The following AANAT variants were observed in gnomAD, a reference collection of about 807,000 sequenced individuals.
The protein encoded by AANAT is serotonin N-acetyltransferase.
Under a neutral mutation model 15.6 loss-of-function variants are expected in AANAT, and 11 were observed. The observed-to-expected ratio is 0.71, with a 90% CI of 0.44 to 1.17. The LOEUF (loss-of-function observed/expected upper bound fraction) is 1.17, where lower values mean the gene tolerates loss of function less well. Among genes scored for constraint, AANAT ranks in the 50% most tolerant of loss-of-function variants. AANAT has a pLI of 0.00. For missense variants in AANAT, 286 were observed against 296.3 expected (o/e 0.97, Z 0.26); for synonymous variants, 139 against 131.5 (o/e 1.06, Z -0.39).
Position 76,469,282 on chromosome 17 carries a change from GGCCTTCATCATC to G in AANAT, c.275_286del (p.Ala92_Ile95del), listed in dbSNP as rs2073483768. ...GCTGGTTCGAGGAGGGCTGCCTTGT[GGCCTTCATCATC>G]GGCTCGCTCTGGGACAAGGAGAGAC... is the stretch of plus-strand genomic sequence containing the variant. On this transcript the variant is annotated inframe_deletion, in exon 3 of 4. Coordinates refer to ENST00000392492, the MANE Select transcript of AANAT (RefSeq NM_001088.3). The surrounding 1 kb of genome is among the most constrained non-coding windows in gnomAD (Gnocchi z 5.2). The G allele has an allele frequency of 6.2e-7, 1 of 1,614,052 alleles. No individual in the cohort carries two copies. The highest frequency in any genetic ancestry group is 1.3e-5 in the African/African-American group (1 of 74,940).
intron 2 of AANAT, chr17:76,462,265 A>T (rs769603714): frequency 6.6e-6 from 1 of 152,172 alleles, no homozygotes; most frequent in Non-Finnish European, 1.5e-5. Context: ...TCAGAGCATA[A>T]AGTTGGATAA....
upstream of AANAT, among the ~76,000 whole-genome samples, chr17:76,466,414 C>A (rs372700047): frequency 7.5e-6 from 1 of 133,070 alleles, no homozygotes; most frequent in Non-Finnish European, 1.6e-5. Flanking sequence ...GGTGGGTGGG[C>A]GGGGGCATCG....
chr17:76,453,865 T>TG (rs2073308275), intron 1 of AANAT: 1 of 152,206 alleles, frequency 6.6e-6, no homozygotes, highest in African/African-American at 2.4e-5. Flanking sequence ...CAAGAATGAA[T>TG]GGCAAGAGGT....
chr17:76,453,662 G>A (rs2073304682), exon 1 of AANAT: 1 of 152,420 alleles, frequency 6.6e-6, no homozygotes, highest in African/African-American at 2.4e-5. Context: ...AACTTGTAAG[G>A]CTATAATAGA....
chr17:76,453,454 G>C (rs1325995147), exon 1 of AANAT: 2 of 248,314 alleles, frequency 8.1e-6, no homozygotes, highest in Admixed American at 5.6e-5. Context: ...CCGAGGAAGA[G>C]GGGAGTGGTC....
At chr17:76,462,679 C>A (rs528937506), upstream of AANAT, among the ~76,000 whole-genome samples, 1 of 152,252 alleles carries the variant, frequency 6.6e-6, no homozygotes, top group South Asian at 2.1e-4. Context: ...GAGCCTGCCA[C>A]GTGGTAGTAC....
At chr17:76,460,484 G>C (rs975902791) in intron 2 of AANAT, among the ~76,000 whole-genome samples, 1 of 151,864 alleles carries the variant, frequency 6.6e-6, no homozygotes, top group Non-Finnish European at 1.5e-5. Context: ...AAAAATAATA[G>C]AGAGAAGGTC....
Position 76,469,663 on chromosome 17 carries a change from AG to A in AANAT, c.319del. ...GGGATCTCATCCCTTGCTCGCTCCC[AG>A]GAGTCACTGACGCTGCACAGGTCTG... On this transcript the variant is annotated splice_acceptor_variant, in intron 3 of 3. Transcript: ENST00000392492. LOFTEE classifies it high-confidence loss of function. The surrounding 1 kb of genome is among the most constrained non-coding windows in gnomAD (Gnocchi z 5.2). 6.7e-7 allele frequency: 1 copy of A among 1,481,908 alleles called. No individual in the cohort carries two copies. Among genetic ancestry groups the A allele is most frequent in the Non-Finnish European group, 8.9e-7 (1 of 1,118,000 alleles). 91.8% of individuals were successfully genotyped at this position (1,481,908 alleles called of 1,614,324 possible).
At chr17:76,453,361 C>T (rs564122591) in exon 1 of AANAT, 69 of 333,276 alleles carry the variant, frequency 2.1e-4, no homozygotes, top group Non-Finnish European at 3.4e-4. Context: ...ATGGAATCCA[C>T]TAAGAAGGGG....
chr17:76,466,181 A>C, upstream of AANAT: 1 of 1,537,052 alleles, frequency 6.5e-7, no homozygotes, highest in Non-Finnish European at 8.7e-7. Context: ...CCATGGAGCC[A>C]CAGTCTATGA....
At chr17:76,453,717 A>G (rs2073305645) in exon 1 of AANAT, 1 of 152,270 alleles carries the variant, frequency 6.6e-6, no homozygotes, top group Non-Finnish European at 1.5e-5. Flanking sequence ...AGGAATTCCA[A>G]GCAGTTCGAA....
intron 1 of AANAT, among the ~76,000 whole-genome samples, chr17:76,458,875 G>C (rs902464906): frequency 1.3e-5 from 2 of 152,226 alleles, no homozygotes; most frequent in Admixed American, 1.3e-4. Flanking sequence ...CAGCTGGGGG[G>C]TGGGGTGGGA....
chr17:76,465,080 A>T (rs1038393879), upstream of AANAT, among the ~76,000 whole-genome samples: 8 of 152,070 alleles, frequency 5.3e-5, no homozygotes, highest in Admixed American at 4.6e-4. Context: ...TACAGGCATG[A>T]GCCACCGTGC....
rs897808042 is a variant in AANAT at position 76,468,695 on chromosome 17, T to C, written c.-52T>C. On this transcript the variant is annotated 5_prime_UTR_variant, in exon 2 of 4. Coordinates refer to ENST00000392492, the MANE Select transcript of AANAT (RefSeq NM_001088.3). ...AGGTGCTGGGAGGCCCTCCTTGGCT[T>C]AGGAGGACACTTCCAAAGCTGGGGC... 3.8e-6 allele frequency: 6 copies of C among 1,569,962 alleles called. No homozygotes were observed. The African/African-American group carries it at 8.1e-5, about 21-fold the overall frequency.
At chr17:76,461,514 G>A (rs2073387703) in intron 2 of AANAT, among the ~76,000 whole-genome samples, 1 of 149,240 alleles carries the variant, frequency 6.7e-6, no homozygotes, top group African/African-American at 2.5e-5. Flanking sequence ...GGAGGCTGAG[G>A]CAGGAGAATT....
intron 1 of AANAT, among the ~76,000 whole-genome samples, chr17:76,458,056 TATC>T (rs1278193601): frequency 6.6e-6 from 1 of 151,998 alleles, no homozygotes; most frequent in Non-Finnish European, 1.5e-5. Flanking sequence ...AAAAGAAAAT[TATC>T]ATGTTAGCGG....
rs759917807 is a variant in AANAT, at chr17:76,469,253, C to A, written c.244C>A (p.Leu82Met). Reference sequence around the variant, plus strand: ...CCTGACCCTATGTCCAGAGCTGTCCCTGGGCTGGTTCGAGGAGGGCTGCCT... The same window carrying A: ...CCTGACCCTATGTCCAGAGCTGTCCATGGGCTGGTTCGAGGAGGGCTGCCT... ...HFLTLCPELS[L>M]GWFEEGCLVA... is the part of the protein sequence containing the mutation. Residue 82 changes from leucine to methionine, a missense_variant, in exon 3 of 4, where the codon CTG becomes ATG. Transcript: ENST00000392492. This position sits in a 1 kb window ranked among gnomAD's most constrained non-coding sequence, Gnocchi z 5.2. 4.3e-5 allele frequency: 69 copies of A among 1,614,204 alleles called. No homozygotes were observed. In the Middle Eastern group the frequency reaches 4.9e-4, roughly 12 times the overall value.
chr17:76,456,321 A>G (rs1230990244), intron 1 of AANAT, among the ~76,000 whole-genome samples: 3 of 133,182 alleles, frequency 2.3e-5, no homozygotes. Context: ...ACAAGAGCAA[A>G]ACTCCATCTC....
intron 2 of AANAT, 68 bp downstream of exon 2, chr17:76,468,977 C>T: frequency 6.6e-7 from 1 of 1,519,682 alleles, no homozygotes; most frequent in Non-Finnish European, 9.0e-7. Context: ...GGGAGGAGAC[C>T]CTTAGTCTCC....
Sources: allele counts gnomAD v4.1 joint callset (sites outside exome capture counted in the v4.1 genomes callset), GRCh38; gene constraint gnomAD v4.1.1; non-coding constraint Gnocchi (gnomAD v3.1); transcripts MANE v1.5; gene names NCBI Gene and HGNC (gene_info 2026-07-23, HGNC 2026-07-21).